Variants in SLC25A51 observed in about 807,000 individuals in gnomAD.
SLC25A51 encodes the protein solute carrier family 25 member 51, also known as mitochondrial nicotinamide adenine dinucleotide transporter SLC25A51.
SLC25A51 carries 11 observed loss-of-function variants against 19.1 expected under a neutral mutation model. The observed-to-expected ratio is 0.58, with a 90% CI of 0.36 to 0.96. The LOEUF (loss-of-function observed/expected upper bound fraction) is 0.96, where lower values mean the gene tolerates loss of function less well. Among genes scored for constraint, SLC25A51 ranks in the 40% least tolerant of loss-of-function variants. The pLI is 0.01. For synonymous variants in SLC25A51, 105 were observed against 133.6 expected (o/e 0.79, Z 1.47); for missense variants, 201 against 365.4 (o/e 0.55, Z 3.67).
intron 3 of SLC25A51, chr9:37,881,462 C>G (rs969539003): frequency 6.6e-5 from 10 of 152,144 alleles, no homozygotes; most frequent in Non-Finnish European, 1.3e-4. Flanking sequence ...TCAAGACCAG[C>G]CTGGGCAACA....
chr9:37,899,988 C>CTTTTTTTTTTTTT lies in SLC25A51; in HGVS notation c.-164-51_-164-39dup, dbSNP rs35821924. 36 of 57,086 alleles carry CTTTTTTTTTTTTT rather than the reference C, an allele frequency of 6.3e-4. 5 individuals carry two copies. Among genetic ancestry groups the CTTTTTTTTTTTTT allele is most frequent in the East Asian group, 1.9e-3 (3 of 1,616 alleles). 3.5% of individuals were successfully genotyped at this position (57,086 alleles called of 1,614,324 possible). A position where few individuals can be genotyped will look rare whatever the true frequency, so the allele number is the denominator to read the frequency against. On this transcript the variant is annotated intron_variant, in intron 1 of 2. Coordinates refer to ENST00000242275, the MANE Select transcript of SLC25A51 (RefSeq NM_033412.4). ...AAAATTCTGGTTTAATTTATATAGC[C>CTTTTTTTTTTTTT]TTTTTTTTTTTTTTTTTTTTTTTTT...
downstream of SLC25A51, among the ~76,000 whole-genome samples, chr9:37,885,120 G>C (rs769433155): frequency 1.1e-4 from 16 of 151,966 alleles, no homozygotes; most frequent in Non-Finnish European, 1.9e-4. Flanking sequence ...CTGCTCCTGA[G>C]GGCAGAGAAG....
intron 2 of SLC25A51, among the ~76,000 whole-genome samples, chr9:37,890,759 A>G (rs982203630): frequency 6.6e-6 from 1 of 152,194 alleles, no homozygotes; most frequent in South Asian, 2.1e-4. Context: ...AAACAATTGA[A>G]AGCGCAGTCT....
downstream of SLC25A51, among the ~76,000 whole-genome samples, chr9:37,884,326 G>C (rs1350064897): frequency 6.6e-6 from 1 of 152,118 alleles, no homozygotes; most frequent in Non-Finnish European, 1.5e-5. Flanking sequence ...AATGCTATTT[G>C]GCTATTACCT....
downstream of SLC25A51, among the ~76,000 whole-genome samples, chr9:37,884,605 TG>T (rs1831410329): frequency 6.6e-6 from 1 of 152,222 alleles, no homozygotes; most frequent in Non-Finnish European, 1.5e-5. Flanking sequence ...CAAAATGTTA[TG>T]GAAGTGTTTA....
chr9:37,888,171 A>G lies in SLC25A51; in HGVS notation c.380T>C (p.Leu127Pro). 2 of 1,613,996 alleles carry G rather than the reference A, an allele frequency of 1.2e-6. No homozygotes were observed. The highest frequency in any genetic ancestry group is 1.7e-6 in the Non-Finnish European group (2 of 1,179,880). ...EFATSGVAAVLAGTTEAIFTP... is the reference protein window; with the variant it reads ...EFATSGVAAVPAGTTEAIFTP... The stretch of plus-strand genomic sequence containing the variant: ...GAAAATTGCTTCTGTTGTCCCTGCA[A>G]GCACTGCCGCCACGCCACTGGTTGC... Residue 127 changes from leucine to proline, a missense_variant, in exon 3 of 3, where the codon CTT becomes CCT. Physicochemically the swap from Leu to Pro is moderately conservative, Grantham distance 98. Coordinates refer to ENST00000242275, the MANE Select transcript of SLC25A51 (RefSeq NM_033412.4).
chr9:37,899,663 A>G (rs1019517619), intron 2 of SLC25A51, among the ~76,000 whole-genome samples, 166 bp downstream of exon 2: 35 of 151,984 alleles, frequency 2.3e-4, no homozygotes, highest in Non-Finnish European at 4.4e-4. Context: ...TGGCACTCAG[A>G]TAAGTTTTCA....
intron 2 of SLC25A51, among the ~76,000 whole-genome samples, chr9:37,896,378 T>A (rs565082111): frequency 9.9e-5 from 15 of 152,184 alleles, no homozygotes; most frequent in African/African-American, 3.6e-4. Context: ...CCTCCAAAGA[T>A]AATTATTACA....
downstream of SLC25A51, chr9:37,878,010 TAAATAAATAAATAAATAAATAAAGC>T (rs1831284772): frequency 6.7e-6 from 1 of 150,358 alleles, no homozygotes. Flanking sequence ...TCTGTGTCAA[TAAATAAATAAATAAATAAATAAAGC>T]AAGAGGTATC....
chr9:37,904,084 C>T lies in SLC25A51; in HGVS notation c.-181G>A, dbSNP rs1052147237. On this transcript the variant is annotated 5_prime_UTR_variant, in exon 1 of 3. Transcript: ENST00000242275. ...CACACTCACCCATCAGCGCCGGCGTCCCGCAGGACGGCTAGCGAGCCGGGG... is the reference window on the plus strand; with the variant it reads ...CACACTCACCCATCAGCGCCGGCGTTCCGCAGGACGGCTAGCGAGCCGGGG... 4 of 152,310 alleles carry T rather than the reference C, an allele frequency of 2.6e-5. No homozygotes were observed. The highest frequency in any genetic ancestry group is 9.6e-5 in the African/African-American group (4 of 41,466). 9.4% of individuals were successfully genotyped at this position (152,310 alleles called of 1,614,324 possible). A position where few individuals can be genotyped will look rare whatever the true frequency, so the allele number is the denominator to read the frequency against.
intron 1 of SLC25A51, among the ~76,000 whole-genome samples, chr9:37,900,511 T>A (rs934074658): frequency 6.6e-6 from 1 of 151,620 alleles, no homozygotes; most frequent in African/African-American, 2.4e-5. Flanking sequence ...GGTGGTACGA[T>A]CATGGCTCAC....
At chr9:37,901,926 C>G (rs1257833516) in intron 1 of SLC25A51, among the ~76,000 whole-genome samples, 1 of 152,182 alleles carries the variant, frequency 6.6e-6, no homozygotes, top group Non-Finnish European at 1.5e-5. Flanking sequence ...AGTCCTAAAA[C>G]TTAGTCTAGA....
At chr9:37,897,712 T>C (rs557614596) in intron 2 of SLC25A51, among the ~76,000 whole-genome samples, 3 of 151,936 alleles carry the variant, frequency 2.0e-5, no homozygotes, top group Non-Finnish European at 4.4e-5. Flanking sequence ...TTGACACCTG[T>C]GGGAACTCTC....
chr9:37,881,206 A>AC lies in SLC25A51; in HGVS notation n.522+311_522+312insG, dbSNP rs367871909. ...TCTGAAGGCAAAAGTAGATATAAAA[A>AC]AAAAAAAAAAATGAAAAGCACAAAC... is the stretch of plus-strand genomic sequence containing the variant. On this transcript the variant is annotated intron_variant and non_coding_transcript_variant, in intron 3 of 3. Coordinates refer to the SLC25A51 transcript ENST00000496760. Among the ~76,000 whole-genome samples, 430 of 152,120 alleles carry AC rather than the reference A, an allele frequency of 2.8e-3. 3 individuals carry two copies. Among genetic ancestry groups the AC allele is most frequent in the African/African-American group, 9.8e-3 (408 of 41,488 alleles).
chr9:37,878,400 T>C (rs780165864), downstream of SLC25A51: 5 of 181,006 alleles, frequency 2.8e-5, no homozygotes, highest in South Asian at 1.4e-4. Context: ...AACTGAATGG[T>C]TTGCAGAAGA....
chr9:37,887,992 T>G lies in SLC25A51; in HGVS notation c.559A>C (p.Asn187His). The G allele has an allele frequency of 6.2e-7, 1 of 1,612,122 alleles. No homozygotes were observed. The highest frequency in any genetic ancestry group is 8.5e-7 in the Non-Finnish European group (1 of 1,179,854). The change falls in exon 3 of 3, where the codon AAT becomes CAT. Residue 187 changes from asparagine (N) to histidine (H), a missense_variant. Transcript: ENST00000242275. The stretch of plus-strand genomic sequence containing the variant: ...CCTCGAAGGCCGAAAAACAAGACAT[T>G]GCTGAGTCCATTCCGGAAAAGAATG... ...VPILFRNGLS[N>H]VLFFGLRGPI... is the part of the protein sequence containing the mutation.
chr9:37,893,224 A>C (rs1831638514), intron 2 of SLC25A51, among the ~76,000 whole-genome samples: 1 of 152,230 alleles, frequency 6.6e-6, no homozygotes, highest in African/African-American at 2.4e-5. Flanking sequence ...AAACTATTTT[A>C]CTTAAGTATG....
downstream of SLC25A51, chr9:37,886,353 C>T: frequency 6.2e-7 from 1 of 1,612,334 alleles, no homozygotes; most frequent in Admixed American, 1.7e-5. Context: ...TCAACCCCCA[C>T]CACAGTGTCA....
chr9:37,881,978 A>G (rs1440870106), intron 2 of SLC25A51, among the ~76,000 whole-genome samples: 1 of 152,222 alleles, frequency 6.6e-6, no homozygotes, highest in Non-Finnish European at 1.5e-5. Context: ...TTAAACTCAT[A>G]GGGTCATAAA....
Sources: gnomAD v4.1 joint callset for allele counts (sites outside exome capture counted in the v4.1 genomes callset) on GRCh38, gnomAD v4.1.1 for gene constraint, MANE v1.5 for transcripts, NCBI Gene and HGNC (gene_info 2026-07-23, HGNC 2026-07-21) for gene names.